The following PIAS2 variants were observed in gnomAD, a reference collection of about 807,000 sequenced individuals.
PIAS2 encodes protein inhibitor of activated STAT 2.
PIAS2 carries 19 observed loss-of-function variants against 69.7 expected under a neutral mutation model. That is an observed-to-expected ratio of 0.27 (90% CI 0.19 to 0.40). The LOEUF (loss-of-function observed/expected upper bound fraction) is 0.40, where lower values mean the gene tolerates loss of function less well. Ranked by LOEUF, PIAS2 falls within the 10% of genes least tolerant of loss-of-function variation. The pLI is 1.00. For synonymous variants in PIAS2, 261 were observed against 263.2 expected, an observed-to-expected ratio of 0.99 and a Z score of 0.08; for missense variants, 624 against 757.0, an observed-to-expected ratio of 0.82 and a Z score of 2.06.
At chr18:46,824,271 A>G (rs993573121) in intron 11 of PIAS2, among the ~76,000 whole-genome samples, 7 of 152,186 alleles carry the variant, frequency 4.6e-5, no homozygotes, top group Non-Finnish European at 1.0e-4. Flanking sequence ...ATAACCCTGA[A>G]GTTCACTGTA....
intron 1 of PIAS2, among the ~76,000 whole-genome samples, chr18:46,899,498 G>T (rs1195041374): frequency 6.6e-6 from 1 of 152,158 alleles, no homozygotes; most frequent in Non-Finnish European, 1.5e-5. Context: ...TTGAGACAGG[G>T]TCTTGGCTCA....
intron 9 of PIAS2, among the ~76,000 whole-genome samples, chr18:46,833,948 A>T (rs2044047531): frequency 6.6e-6 from 1 of 152,082 alleles, no homozygotes; most frequent in Non-Finnish European, 1.5e-5. Flanking sequence ...CCTACTGTAA[A>T]GTTCCTTCCT....
At chr18:46,884,915 C>CAA (rs34131713) in intron 2 of PIAS2, among the ~76,000 whole-genome samples, 156 of 139,218 alleles carry the variant, frequency 1.1e-3, no homozygotes, top group Middle Eastern at 3.6e-3. Flanking sequence ...AAATCTGTCT[C>CAA]AAAAAAAAAA....
At chr18:46,917,164 C>T (rs1276354411) in intron 1 of PIAS2, 158 bp downstream of exon 1, 2 of 1,114,248 alleles carry the variant, frequency 1.8e-6, no homozygotes, top group Non-Finnish European at 2.2e-6. Flanking sequence ...CCGCTCCCCT[C>T]CCCCGCGCCC....
In PIAS2 at chr18:46,807,371, ATATATATATATATTTTTTTTTTTTT is replaced by A. The variant is rs2040744160; in HGVS notation, c.*5037_*5061del. On this transcript the variant is annotated 3_prime_UTR_variant, in exon 14 of 14. Transcript: ENST00000585916. ...TGTCAGATTTTATATATATATATAT[ATATATATATATATTTTTTTTTTTTT>A]TTTTTTTTTTTTTTAGAGAGTCTTG... is the stretch of plus-strand genomic sequence containing the variant. 1 of 25,502 alleles carries A rather than the reference ATATATATATATATTTTTTTTTTTTT, an allele frequency of 3.9e-5. No homozygotes were observed. Among genetic ancestry groups the A allele is most frequent in the Admixed American group, 2.7e-4 (1 of 3,736 alleles). The allele number at this position is 25,502 out of a possible 1,614,324, so 1.6% of individuals were successfully genotyped here. A position where few individuals can be genotyped will look rare whatever the true frequency, so the allele number is the denominator to read the frequency against.
chr18:46,907,928 T>C (rs1352338199), intron 1 of PIAS2: 8 of 152,130 alleles, frequency 5.3e-5, no homozygotes, highest in Non-Finnish European at 1.2e-4. Flanking sequence ...AAACAGGCAA[T>C]ACTAATCTGT....
intron 2 of PIAS2, among the ~76,000 whole-genome samples, chr18:46,870,919 C>T (rs2050265175): frequency 6.6e-6 from 1 of 152,084 alleles, no homozygotes; most frequent in South Asian, 2.1e-4. Flanking sequence ...TATGAAAGAT[C>T]TCAGGGAAAT....
At chr18:46,898,865 G>A (rs548173825) in intron 1 of PIAS2, among the ~76,000 whole-genome samples, 1 of 151,782 alleles carries the variant, frequency 6.6e-6, no homozygotes, top group South Asian at 2.1e-4. Flanking sequence ...GTGATGGGAG[G>A]GTGCCTGTAA....
intron 9 of PIAS2, among the ~76,000 whole-genome samples, chr18:46,831,189 G>A (rs1002287430): frequency 1.3e-5 from 2 of 152,002 alleles, no homozygotes; most frequent in African/African-American, 4.8e-5. Flanking sequence ...AACTACTAAG[G>A]GATGGGAATA....
At chr18:46,880,115 G>C (rs2051964581) in intron 2 of PIAS2, among the ~76,000 whole-genome samples, 1 of 151,654 alleles carries the variant, frequency 6.6e-6, no homozygotes, top group Non-Finnish European at 1.5e-5. Flanking sequence ...AAAAATTGGG[G>C]ATGGGGACAG....
Position 46,812,603 on chromosome 18 carries a change from G to C in PIAS2, c.1696C>G (p.Pro566Ala), listed in dbSNP as rs1163456530. Residue 566 changes from proline (P) to alanine (A), a missense_variant, in exon 14 of 14, where the codon CCT (proline) becomes GCT (alanine). Around this residue, in one of 3 missense-constraint regions of PIAS2, gnomAD observed 241 missense variants for 257.3 expected, o/e 0.94. Transcript: ENST00000585916. ...GAGGTGAGACTATCCAAAAACATAG[G>C]AGGACAGTACTGCTTGAAACAAACA... ...LIPVDPQYCPPMFLDSLTSPL... is the reference protein window; with the variant it reads ...LIPVDPQYCPAMFLDSLTSPL... 1.9e-6 allele frequency: 3 copies of C among 1,610,370 alleles called. No homozygotes were observed. The highest frequency in any genetic ancestry group is 2.5e-6 in the Non-Finnish European group (3 of 1,176,890).
chr18:46,917,207 G>C (rs2058067331), intron 1 of PIAS2, 115 bp downstream of exon 1: 31 of 1,335,982 alleles, frequency 2.3e-5, no homozygotes, highest in Non-Finnish European at 2.8e-5. Context: ...CCGGGGCTCA[G>C]GGCTCCGCCA....
At chr18:46,825,662 CA>C (rs2042751029) in intron 11 of PIAS2, among the ~76,000 whole-genome samples, 1 of 152,146 alleles carries the variant, frequency 6.6e-6, no homozygotes, top group South Asian at 2.1e-4. Flanking sequence ...TAAAATGGAA[CA>C]AAACTGGCAT....
chr18:46,903,210 T>C (rs1458247600), intron 1 of PIAS2, among the ~76,000 whole-genome samples: 1 of 152,030 alleles, frequency 6.6e-6, no homozygotes, highest in Middle Eastern at 3.2e-3. Context: ...CACACTGGAC[T>C]TCACACAAAC....
At chr18:46,897,740 C>T (rs1397114982) in intron 1 of PIAS2, among the ~76,000 whole-genome samples, 3 of 152,142 alleles carry the variant, frequency 2.0e-5, no homozygotes, top group Non-Finnish European at 4.4e-5. Context: ...TAACTGGTAT[C>T]TGTCAGAAAG....
intron 3 of PIAS2, among the ~76,000 whole-genome samples, chr18:46,859,492 T>C (rs1218513146): frequency 2.2e-5 from 3 of 138,214 alleles, no homozygotes; most frequent in Admixed American, 7.2e-5. Flanking sequence ...ATGTGGTAAA[T>C]GAAGAGTGGC....
At chr18:46,920,054 C>CT, upstream of PIAS2, 1 of 1,289,472 alleles carries the variant, frequency 7.8e-7, no homozygotes, top group Non-Finnish European at 1.0e-6. Context: ...CCCACTGAAA[C>CT]TTACGTGCAG....
At chr18:46,895,027 C>G (rs1392386768) in intron 1 of PIAS2, among the ~76,000 whole-genome samples, 1 of 150,212 alleles carries the variant, frequency 6.7e-6, no homozygotes, top group Admixed American at 6.6e-5. Context: ...GAGTCGAGAC[C>G]ATACCATTGC....
At chr18:46,881,093 T>C (rs1188500771) in intron 2 of PIAS2, among the ~76,000 whole-genome samples, 1 of 152,130 alleles carries the variant, frequency 6.6e-6, no homozygotes, top group Non-Finnish European at 1.5e-5. Flanking sequence ...GAAAGCCTAT[T>C]ATAACCTTCT....
Sources: allele counts gnomAD v4.1 joint callset (sites outside exome capture counted in the v4.1 genomes callset), GRCh38; gene constraint gnomAD v4.1.1; regional missense constraint gnomAD v4.1.1; transcripts MANE v1.5; gene names NCBI Gene and HGNC (gene_info 2026-07-23, HGNC 2026-07-21).